The following COL24A1 variants were observed in gnomAD, a reference collection of about 807,000 sequenced individuals.
COL24A1 encodes collagen type XXIV alpha 1 chain, also known as collagen alpha-1(XXIV) chain.
Under a neutral mutation model 253.9 loss-of-function variants are expected in COL24A1, and 224 were observed. The observed-to-expected ratio is 0.88, with a 90% CI of 0.79 to 0.99. The LOEUF (loss-of-function observed/expected upper bound fraction) is 0.99, where lower values mean the gene tolerates loss of function less well. COL24A1 is among the 50% of genes least tolerant of loss of function. The pLI is 0.00. For synonymous variants in COL24A1, 685 were observed against 673.7 expected, an observed-to-expected ratio of 1.02 and a Z score of -0.26; for missense variants, 2,131 against 2,068.5, an observed-to-expected ratio of 1.03 and a Z score of -0.59.
At chr1:85,762,318 C>A (rs17400906) in intron 53 of COL24A1, among the ~76,000 whole-genome samples, 2,812 of 152,188 alleles carry the variant, frequency 0.018, 38 homozygotes, top group Non-Finnish European at 0.028. Flanking sequence ...TAGTATTAAG[C>A]ATCTTGTATT....
chr1:85,831,077 C>T lies in COL24A1; in HGVS notation c.3682-7339G>A, dbSNP rs117743789. Among the ~76,000 whole-genome samples, 229 of 152,150 alleles carry T rather than the reference C, an allele frequency of 1.5e-3. 9 individuals carry two copies. The East Asian group carries it at 0.034, about 23-fold the overall frequency. ...ATCTGTTTAAGGAAGTGAAGAGTGG[C>T]AAGAGAGAAAGGCTAGTCTTGAGAG... On this transcript the variant is annotated intron_variant, in intron 43 of 59. Coordinates refer to ENST00000370571, the MANE Select transcript of COL24A1 (RefSeq NM_152890.7).
At chr1:86,007,897 T>C (rs544605896) in intron 19 of COL24A1, among the ~76,000 whole-genome samples, 2 of 152,284 alleles carry the variant, frequency 1.3e-5, no homozygotes, top group South Asian at 4.1e-4. Context: ...GATCATTATA[T>C]ATTTTTCCAA....
At chr1:85,737,345 C>T in intron 58 of COL24A1, 51 bp downstream of exon 58, 2 of 1,058,050 alleles carry the variant, frequency 1.9e-6, no homozygotes, top group Non-Finnish European at 2.7e-6. Flanking sequence ...CATAATTTTT[C>T]ACTGATACTG....
Position 85,868,499 on chromosome 1 carries a change from G to A in COL24A1, c.3300+20C>T. 1 of 1,578,170 alleles carries A rather than the reference G, an allele frequency of 6.3e-7. No individual in the cohort carries two copies. Among genetic ancestry groups the A allele is most frequent in the Non-Finnish European group, 8.7e-7 (1 of 1,147,894 alleles). On this transcript the variant is annotated intron_variant, in intron 37 of 59. Transcript: ENST00000370571. ...CAGTGAATTCACTTAGTATTTGAAA[G>A]TGAACCCAGCAGTACTTACCGGAAG...
intron 47 of COL24A1, among the ~76,000 whole-genome samples, chr1:85,804,466 T>A (rs1445218112): frequency 6.6e-6 from 1 of 152,138 alleles, no homozygotes; most frequent in Non-Finnish European, 1.5e-5. Flanking sequence ...GGTGCATTAG[T>A]CCATTTTCAC....
rs1676484948 is a variant in COL24A1 at position 85,840,491 on chromosome 1, A to G, written c.3627+731T>C. Among the ~76,000 whole-genome samples, 3 of 152,180 alleles carry G rather than the reference A, an allele frequency of 2.0e-5. No homozygotes were observed. The South Asian group carries it at 6.2e-4, about 32-fold the overall frequency. The stretch of plus-strand genomic sequence containing the variant: ...AGGTCAAAATATCAGGAGTGACTAC[A>G]TATTCTGATCCTTGTGCCTTAAGAT... On this transcript the variant is annotated intron_variant, in intron 42 of 59. Transcript: ENST00000370571.
chr1:85,745,046 C>A (rs1255104779), intron 56 of COL24A1, among the ~76,000 whole-genome samples: 1 of 151,738 alleles, frequency 6.6e-6, no homozygotes, highest in Non-Finnish European at 1.5e-5. Flanking sequence ...AGTTTTCAAG[C>A]TAACATAAGA....
At chr1:86,059,228 G>A in intron 8 of COL24A1, 54 bp from the exon 9 acceptor site, 1 of 1,342,356 alleles carries the variant, frequency 7.4e-7, no homozygotes, top group Middle Eastern at 1.8e-4. Context: ...AACAAATTTG[G>A]TATATTTACA....
rs373855949 is a variant in COL24A1 at position 86,101,727 on chromosome 1, G to C, written c.1600-9407C>G. 7.2e-5 allele frequency among the ~76,000 whole-genome samples: 11 copies of C among 152,310 alleles called. No homozygotes were observed. In the South Asian group the frequency reaches 2.3e-3, roughly 32 times the overall value. ...TGTTGAAACAACCTTGCATGGCAGA[G>C]ATAAAGTCTGCTTGATCATAGTGGA... On this transcript the variant is annotated intron_variant, in intron 5 of 59. Coordinates refer to ENST00000370571, the MANE Select transcript of COL24A1 (RefSeq NM_152890.7).
intron 45 of COL24A1, among the ~76,000 whole-genome samples, chr1:85,821,865 T>G (rs1673654991): frequency 6.6e-6 from 1 of 152,206 alleles, no homozygotes; most frequent in South Asian, 2.1e-4. Flanking sequence ...GTCTTACTCC[T>G]GAGACCTCTC....
chr1:86,054,518 A>G (rs1267074101), intron 10 of COL24A1, among the ~76,000 whole-genome samples: 1 of 152,150 alleles, frequency 6.6e-6, no homozygotes, highest in East Asian at 1.9e-4. Context: ...AAGAAGACAT[A>G]TAAGCGGCCC....
intron 5 of COL24A1, among the ~76,000 whole-genome samples, chr1:86,102,064 GTGCTCAT>G (rs1217258315): frequency 7.0e-6 from 1 of 142,220 alleles, no homozygotes; most frequent in East Asian, 2.1e-4. Flanking sequence ...TTCCATTTTG[GTGCTCAT>G]TTTTGGTCTG....
intron 55 of COL24A1, among the ~76,000 whole-genome samples, chr1:85,757,103 G>A (rs1377365906): frequency 6.6e-6 from 1 of 152,060 alleles, no homozygotes; most frequent in Non-Finnish European, 1.5e-5. Flanking sequence ...TTCAGTTTTG[G>A]AAGACAAAAA....
intron 41 of COL24A1, among the ~76,000 whole-genome samples, chr1:85,841,777 T>C (rs1432202979): frequency 6.6e-6 from 1 of 152,152 alleles, no homozygotes; most frequent in Non-Finnish European, 1.5e-5. Context: ...AATCATTTAA[T>C]CTAGAGCCTT....
intron 10 of COL24A1, among the ~76,000 whole-genome samples, chr1:86,051,158 G>A (rs11161724): frequency 0.056 from 8,533 of 152,148 alleles, 384 homozygotes; most frequent in Non-Finnish European, 0.096. Flanking sequence ...GAAGGTTTAC[G>A]GGTCCAGATC....
intron 24 of COL24A1, among the ~76,000 whole-genome samples, chr1:85,933,102 G>GAAAA (rs1687930078): frequency 3.5e-5 from 2 of 57,890 alleles, no homozygotes; most frequent in Admixed American, 1.6e-4. Context: ...AAAAAAAAAA[G>GAAAA]AAAGAAAGAA....
chr1:86,154,945 G>T (rs1244019180), intron 1 of COL24A1: 1 of 152,398 alleles, frequency 6.6e-6, no homozygotes, highest in African/African-American at 2.4e-5. Context: ...TGCAACCCCC[G>T]ACTCTCCAGG....
chr1:85,845,142 A>G (rs1677033067), intron 39 of COL24A1, among the ~76,000 whole-genome samples: 1 of 151,948 alleles, frequency 6.6e-6, no homozygotes, highest in Non-Finnish European at 1.5e-5. Context: ...AATGAAATCT[A>G]TTTGCATTAA....
At chr1:86,121,637 T>G (rs61802245) in intron 3 of COL24A1, among the ~76,000 whole-genome samples, 2 of 151,960 alleles carry the variant, frequency 1.3e-5, no homozygotes, top group African/African-American at 4.8e-5. Context: ...AATGAAGGGA[T>G]AGGAATATAT....
Sources: allele counts gnomAD v4.1 joint callset (sites outside exome capture counted in the v4.1 genomes callset), GRCh38; gene constraint gnomAD v4.1.1; transcripts MANE v1.5; gene names NCBI Gene and HGNC (gene_info 2026-07-23, HGNC 2026-07-21).